CFAP46: variants seen among roughly 807,000 people sequenced by gnomAD.
The protein encoded by CFAP46 is cilia- and flagella-associated protein 46.
CFAP46 carries 245 observed loss-of-function variants against 325.7 expected under a neutral mutation model. That is an observed-to-expected ratio of 0.75 (90% confidence interval 0.68 to 0.84). CFAP46 has a LOEUF of 0.84. Among genes scored for constraint, CFAP46 ranks in the 40% least tolerant of loss-of-function variants. The probability of loss-of-function intolerance (pLI) is 0.00; values close to 1 mark genes in which losing one functional copy is unlikely to be tolerated. For missense variants in CFAP46, 3,346 were observed against 3,543.0 expected (o/e 0.94, Z 1.41); for synonymous variants, 1,523 against 1,495.9 (o/e 1.02, Z -0.42).
chr10:132,910,734 GC>G (rs1270745016), intron 19 of CFAP46, among the ~76,000 whole-genome samples: 3 of 152,194 alleles, frequency 2.0e-5, no homozygotes, highest in African/African-American at 7.2e-5. Context: ...CCTGCTCCTT[GC>G]AAAACGTCTT....
intron 9 of CFAP46, 79 bp downstream of exon 9, chr10:132,929,626 C>T: frequency 7.2e-7 from 1 of 1,380,626 alleles, no homozygotes; most frequent in Non-Finnish European, 1.0e-6. Flanking sequence ...GTGAACTGCT[C>T]TTCCTTTCTT....
chr10:132,856,263 G>A (rs1848641071), intron 39 of CFAP46, among the ~76,000 whole-genome samples: 1 of 152,158 alleles, frequency 6.6e-6, no homozygotes, highest in African/African-American at 2.4e-5. Flanking sequence ...TTCTTGCACT[G>A]GTGTTAAAGT....
rs778039289 is a variant in CFAP46 at position 132,866,210 on chromosome 10, A to G, written c.4744-39T>C. The stretch of plus-strand genomic sequence containing the variant: ...CAGCCCCAGGCGGCACGATCCTGAC[A>G]CTTGTGACCTCTGAGTCTCACGGGA... On this transcript the variant is annotated intron_variant, in intron 34 of 57. Coordinates refer to ENST00000368586, the MANE Select transcript of CFAP46 (RefSeq NM_001200049.3). 4.1e-6 allele frequency: 6 copies of G among 1,459,484 alleles called. No homozygotes were observed. The Admixed American group carries it at 1.2e-4, about 29-fold the overall frequency. The allele number at this position is 1,459,484 out of a possible 1,614,324, so 90.4% of individuals were successfully genotyped here. A position where few individuals can be genotyped will look rare whatever the true frequency, so the allele number is the denominator to read the frequency against.
At chr10:132,836,643 C>CGT (rs1848253204) in intron 45 of CFAP46, among the ~76,000 whole-genome samples, 174 bp downstream of exon 45, 1 of 152,236 alleles carries the variant, frequency 6.6e-6, no homozygotes, top group Admixed American at 6.5e-5. Context: ...CGGCCCCCCC[C>CGT]CCTTGGGGTA....
intron 28 of CFAP46, 104 bp from the exon 29 acceptor site, chr10:132,879,735 C>T (rs1849011158): frequency 8.5e-7 from 1 of 1,176,872 alleles, no homozygotes. Context: ...TGCCCGGTGC[C>T]TCGCGGACAC....
chr10:132,843,790 G>A (rs1591047723), intron 44 of CFAP46, among the ~76,000 whole-genome samples: 1 of 105,518 alleles, frequency 9.5e-6, no homozygotes. Context: ...AGGGTGCTGT[G>A]GGGCTCTGGT....
At chr10:132,835,718 T>C (rs1471111412) in intron 46 of CFAP46, among the ~76,000 whole-genome samples, 1 of 151,908 alleles carries the variant, frequency 6.6e-6, no homozygotes, top group African/African-American at 2.4e-5. Context: ...TCCCTGTGGG[T>C]GGAGGGCTGG....
chr10:132,880,646 ACAGCAC>A, intron 28 of CFAP46, among the ~76,000 whole-genome samples: 1 of 55,864 alleles, frequency 1.8e-5, no homozygotes, highest in South Asian at 4.8e-4. Context: ...CCTGCAGAGG[ACAGCAC>A]TGAGACACGT....
intron 44 of CFAP46, 138 bp downstream of exon 44, chr10:132,845,919 G>A (rs1241039887): frequency 2.1e-6 from 2 of 960,198 alleles, no homozygotes; most frequent in Non-Finnish European, 3.0e-6. Context: ...CACATGGCTG[G>A]GGGCACGGGG....
In CFAP46 at chr10:132,938,740, C is replaced by A. The variant is rs190740315; in HGVS notation, c.385G>T (p.Val129Leu). The part of the protein sequence containing the change: ...AKGEPRYYFL[V>L]YNASVLYWQM... ...CAGTAGAGGACTGATGCATTGTACA[C>A]CAAAAAGTAGTACCTGCGGCGCGAG... The change falls in exon 5 of 58, where the codon GTG becomes TTG. Residue 129 changes from valine to leucine, a missense_variant. Transcript: ENST00000368586. The A allele has an allele frequency of 1.9e-6, 3 of 1,612,444 alleles. 1 individual carries two copies. The Admixed American group carries it at 5.0e-5, about 27-fold the overall frequency.
At chr10:132,823,408 C>A (rs1383944416) in intron 50 of CFAP46, among the ~76,000 whole-genome samples, 6 of 112,100 alleles carry the variant, frequency 5.4e-5, no homozygotes, top group African/African-American at 1.8e-4. Flanking sequence ...TGTGTGTGTG[C>A]TGTGTGCTGT....
chr10:132,824,682 T>C (rs1434849317), intron 50 of CFAP46, among the ~76,000 whole-genome samples: 7 of 85,340 alleles, frequency 8.2e-5, no homozygotes, highest in Non-Finnish European at 1.2e-4. Context: ...TGTGTGCTGA[T>C]GTGTGCTGTG....
chr10:132,819,256 CAT>C (rs982807240), intron 50 of CFAP46, among the ~76,000 whole-genome samples: 2 of 152,162 alleles, frequency 1.3e-5, no homozygotes, highest in African/African-American at 4.8e-5. Context: ...TTGAAGGAGA[CAT>C]AAATAAATGG....
At chr10:132,810,189 G>A (rs776245902) in intron 57 of CFAP46, among the ~76,000 whole-genome samples, 34 of 152,208 alleles carry the variant, frequency 2.2e-4, no homozygotes, top group Non-Finnish European at 4.0e-4. Context: ...GCCGAGGGTC[G>A]CGCCACGGTG....
Position 132,814,744 on chromosome 10 carries a change from G to T in CFAP46, c.7191C>A (p.Gly2397=). 1 of 1,613,696 alleles carries T rather than the reference G, an allele frequency of 6.2e-7. No individual in the cohort carries two copies. The highest frequency in any genetic ancestry group is 8.5e-7 in the Non-Finnish European group (1 of 1,179,812). Residue 2397 remains glycine, a splice_region_variant and synonymous_variant, in exon 52 of 58, where the codon GGC becomes GGA. Transcript: ENST00000368586. The stretch of plus-strand genomic sequence containing the variant: ...CAGGGGGGATGGTCCGGGGGATGCT[G>T]CCCTGCAACCACAGACCAGGGTCAG... The part of the protein sequence containing the change: ...KRSLAKKGRK[G]SIPRTIPPDC...
At chr10:132,927,505 T>A (rs983165557) in intron 9 of CFAP46, among the ~76,000 whole-genome samples, 1 of 152,194 alleles carries the variant, frequency 6.6e-6, no homozygotes, top group African/African-American at 2.4e-5. Context: ...TGTCTGGGCC[T>A]CGGTGCCGGC....
intron 47 of CFAP46, 144 bp from the exon 48 acceptor site, chr10:132,834,919 G>C: frequency 8.3e-7 from 1 of 1,207,604 alleles, no homozygotes; most frequent in Non-Finnish European, 1.1e-6. Context: ...TCGGCAACGA[G>C]GGCCCCATAG....
Position 132,929,739 on chromosome 10 carries a change from G to A in CFAP46, c.932C>T (p.Ala311Val). ...LTLKCMEISS[A>V]CLSDLKKMES... ...CATCTTCTTCAGGTCTGAGAGGCAG[G>A]CAGAGGAGATCTCCATGCATTTCAA... Residue 311 changes from alanine (A) to valine (V), a missense_variant, in exon 9 of 58, where the codon GCC becomes GTC. Ala to Val is a moderately conservative substitution (Grantham distance 64). Transcript: ENST00000368586. 1.2e-6 allele frequency: 2 copies of A among 1,613,798 alleles called. No individual in the cohort carries two copies. The highest frequency in any genetic ancestry group is 1.7e-6 in the Non-Finnish European group (2 of 1,179,932).
chr10:132,908,314 C>T (rs944676267), intron 22 of CFAP46, 154 bp downstream of exon 22: 25 of 885,524 alleles, frequency 2.8e-5, no homozygotes, highest in Admixed American at 2.7e-4. Flanking sequence ...CGCTCACACG[C>T]GCCCTGATCT....
Sources: allele counts gnomAD v4.1 joint callset (sites outside exome capture counted in the v4.1 genomes callset), GRCh38; gene constraint gnomAD v4.1.1; transcripts MANE v1.5; gene names NCBI Gene and HGNC (gene_info 2026-07-23, HGNC 2026-07-21).